PTCD2: variants seen among roughly 807,000 people sequenced by gnomAD.
The protein encoded by PTCD2 is pentatricopeptide repeat-containing protein 2, mitochondrial.
In PTCD2, 31 loss-of-function variants were observed where a neutral mutation model predicts 42.6. The observed-to-expected ratio is 0.73, with a 90% CI of 0.55 to 0.98. The LOEUF is 0.98. Ranked by LOEUF, PTCD2 falls within the 50% of genes least tolerant of loss-of-function variation. The pLI is 0.00. For synonymous variants in PTCD2, 183 were observed against 170.9 expected (o/e 1.07, Z -0.55); for missense variants, 476 against 454.8 (o/e 1.05, Z -0.42).
Position 72,361,146 on chromosome 5 carries a change from A to G in PTCD2, c.*2719A>G, listed in dbSNP as rs1187535439. 6.6e-6 allele frequency: 1 copy of G among 152,226 alleles called. No homozygotes were observed. Among genetic ancestry groups the G allele is most frequent in the Non-Finnish European group, 1.5e-5 (1 of 68,038 alleles). The allele number at this position is 152,226 out of a possible 1,614,324, so 9.4% of individuals were successfully genotyped here. A position where few individuals can be genotyped will look rare whatever the true frequency, so the allele number is the denominator to read the frequency against. ...TTCAGCACAGTTACTAGAAGGAGACAAAAAGATATCTTCTTAATTAGGTGA... is the reference window on the plus strand; with the variant it reads ...TTCAGCACAGTTACTAGAAGGAGACGAAAAGATATCTTCTTAATTAGGTGA... On this transcript the variant is annotated 3_prime_UTR_variant, in exon 10 of 10. Coordinates refer to ENST00000380639, the MANE Select transcript of PTCD2 (RefSeq NM_024754.5).
chr5:72,326,653 A>G lies in PTCD2; in HGVS notation c.262A>G (p.Lys88Glu), dbSNP rs1200023502. 5.0e-6 allele frequency: 8 copies of G among 1,614,046 alleles called. No individual in the cohort carries two copies. The highest frequency in any genetic ancestry group is 1.6e-4 in the Middle Eastern group (1 of 6,082). Residue 88 changes from lysine to glutamate, a missense_variant, in exon 3 of 10, where the codon AAG (lysine) becomes GAG (glutamate). By Grantham distance (56) the Lys-to-Glu change is moderately conservative. Coordinates refer to ENST00000380639, the MANE Select transcript of PTCD2 (RefSeq NM_024754.5). ...CTTGAAAAAGAAACTGACCCAGAAC[A>G]AGCTCATCTTGAAGGGGGAGTTGAT... ...RNLKKKLTQN[K>E]LILKGELITL...
At chr5:72,356,442 G>A (rs1752877039) in intron 9 of PTCD2, among the ~76,000 whole-genome samples, 1 of 152,200 alleles carries the variant, frequency 6.6e-6, no homozygotes, top group South Asian at 2.1e-4. Context: ...AGTAGCTTTT[G>A]AGCTAGTTCT....
At chr5:72,326,762 G>A (rs1751161936) in intron 3 of PTCD2, 21 bp downstream of exon 3, 1 of 1,611,994 alleles carries the variant, frequency 6.2e-7, no homozygotes, top group Non-Finnish European at 8.5e-7. Context: ...TCCTTAGAAT[G>A]TTGCCACCCT....
rs139303234 is a variant in PTCD2, at chr5:72,342,685, T to G, written c.754-277T>G. Among the ~76,000 whole-genome samples the G allele has an allele frequency of 2.6e-4, 40 of 152,360 alleles. No homozygotes were observed. The South Asian group carries it at 8.1e-3, about 31-fold the overall frequency. On this transcript the variant is annotated intron_variant, in intron 7 of 9. Coordinates refer to ENST00000380639, the MANE Select transcript of PTCD2 (RefSeq NM_024754.5). ...TTGCACTTTGTTCTTCATTCCTATT[T>G]TTTTAGAAGCTGATTCCAATAGGAG...
chr5:72,321,818 G>GA lies in PTCD2; in HGVS notation c.128-354_128-353insA, dbSNP rs1554063056. ...CCTGTTTTGCATTTAAATGTTATTA[G>GA]TTTTTTTTTTAAATGCCCTTGATAC... On this transcript the variant is annotated intron_variant, in intron 1 of 9. Coordinates refer to ENST00000380639, the MANE Select transcript of PTCD2 (RefSeq NM_024754.5). Among the ~76,000 whole-genome samples the GA allele has an allele frequency of 2.5e-3, 382 of 149,974 alleles. 1 individual carries two copies. The highest frequency in any genetic ancestry group is 8.9e-3 in the African/African-American group (365 of 40,992).
intron 7 of PTCD2, among the ~76,000 whole-genome samples, chr5:72,339,417 G>T (rs1751930211): frequency 6.6e-6 from 1 of 152,162 alleles, no homozygotes; most frequent in Non-Finnish European, 1.5e-5. Context: ...ACCAAGCCAG[G>T]TTATTTTCCT....
intron 8 of PTCD2, among the ~76,000 whole-genome samples, chr5:72,343,350 G>C (rs62364784): frequency 0.23 from 35,078 of 152,114 alleles, 5,281 homozygotes; most frequent in Non-Finnish European, 0.34. Context: ...TAGGGAGGAG[G>C]AGGGGATGGA....
intron 5 of PTCD2, chr5:72,335,455 C>CA (rs11397039): frequency 0.6 from 72,929 of 122,166 alleles, 20,749 homozygotes; most frequent in African/African-American, 0.75. Context: ...GACTCCGTCT[C>CA]AAAAAAAAAA....
intron 5 of PTCD2, 65 bp downstream of exon 5, chr5:72,335,161 GA>G: frequency 1.8e-5 from 16 of 889,802 alleles, no homozygotes; most frequent in East Asian, 2.5e-5. Flanking sequence ...GAACTAGGGG[GA>G]AAAATGAGTC....
chr5:72,352,143 TGTA>T (rs1349748925), intron 8 of PTCD2, among the ~76,000 whole-genome samples: 1 of 152,034 alleles, frequency 6.6e-6, no homozygotes, highest in Non-Finnish European at 1.5e-5. Context: ...GTTTTGAAGT[TGTA>T]GTATTTTATT....
rs1024137173 is a variant in PTCD2 at position 72,362,664 on chromosome 5, G to T, written c.*4237G>T. The T allele has an allele frequency of 2.0e-5, 3 of 152,116 alleles. No individual in the cohort carries two copies. The highest frequency in any genetic ancestry group is 4.4e-5 in the Non-Finnish European group (3 of 68,032). The allele number at this position is 152,116 out of a possible 1,614,324, so 9.4% of individuals were successfully genotyped here. On this transcript the variant is annotated 3_prime_UTR_variant, in exon 10 of 10. Coordinates refer to ENST00000380639, the MANE Select transcript of PTCD2 (RefSeq NM_024754.5). ...GTGTCACTTTTTCAATGAGGCATTT[G>T]CAAGCTCTTTAAATTCTCAAGGATT...
chr5:72,346,712 T>C (rs1014001198), intron 8 of PTCD2, among the ~76,000 whole-genome samples: 5 of 152,240 alleles, frequency 3.3e-5, no homozygotes, highest in Non-Finnish European at 1.5e-5. Flanking sequence ...CTACTGGATA[T>C]GGACAGCTCT....
intron 2 of PTCD2, among the ~76,000 whole-genome samples, chr5:72,326,071 C>A (rs532903322): frequency 5.7e-4 from 86 of 152,168 alleles, no homozygotes; most frequent in Non-Finnish European, 1.0e-3. Context: ...TAAAAAGAGA[C>A]CAAGAGGAAT....
intron 8 of PTCD2, among the ~76,000 whole-genome samples, chr5:72,348,718 C>G (rs892523106): frequency 2.0e-5 from 3 of 152,186 alleles, no homozygotes; most frequent in African/African-American, 7.2e-5. Flanking sequence ...TTCCACTGAT[C>G]GTATTTGAAT....
chr5:72,335,960 T>A, intron 6 of PTCD2, 75 bp downstream of exon 6: 1 of 750,162 alleles, frequency 1.3e-6, no homozygotes, highest in Non-Finnish European at 2.3e-6. Context: ...TCTCTACAAA[T>A]AAAATTCAGT....
At chr5:72,321,153 T>A (rs1456842990) in intron 1 of PTCD2, 1 of 152,360 alleles carries the variant, frequency 6.6e-6, no homozygotes, top group East Asian at 1.9e-4. Context: ...GAGTCTCAGT[T>A]CTGCTAACAA....
In PTCD2 at chr5:72,335,856, G is replaced by A. The variant is rs1387469300; in HGVS notation, c.610G>A (p.Val204Ile). The A allele has an allele frequency of 3.1e-6, 5 of 1,613,560 alleles. No individual in the cohort carries two copies. The highest frequency in any genetic ancestry group is 2.7e-5 in the African/African-American group (2 of 75,038). ...TGTGAAGTTCACCAAAGATACCTATGTTCTTGCTTTTGCAATTTGCTACAA... is the reference window on the plus strand; with the variant it reads ...TGTGAAGTTCACCAAAGATACCTATATTCTTGCTTTTGCAATTTGCTACAA... ...QDVKFTKDTY[V>I]LAFAICYKLN... Residue 204 changes from valine (V) to isoleucine (I), a missense_variant, in exon 6 of 10, where the codon GTT becomes ATT. By Grantham distance (29) the Val-to-Ile change is conservative. Transcript: ENST00000380639.
chr5:72,339,320 G>T (rs6865133), intron 7 of PTCD2, among the ~76,000 whole-genome samples: 1 of 152,148 alleles, frequency 6.6e-6, no homozygotes, highest in Non-Finnish European at 1.5e-5. Context: ...CCTCTCCTGA[G>T]ATTTCCTATT....
chr5:72,324,487 C>T (rs1751034501), intron 2 of PTCD2, among the ~76,000 whole-genome samples: 1 of 152,212 alleles, frequency 6.6e-6, no homozygotes, highest in African/African-American at 2.4e-5. Flanking sequence ...TTCTGTTGCT[C>T]ATGCTGATTT....
Sources: gnomAD v4.1 joint callset for allele counts (sites outside exome capture counted in the v4.1 genomes callset) on GRCh38, gnomAD v4.1.1 for gene constraint, MANE v1.5 for transcripts, NCBI Gene and HGNC (gene_info 2026-07-23, HGNC 2026-07-21) for gene names.